ELF1: variants seen among roughly 807,000 people sequenced by gnomAD.
ELF1 encodes E74 like ETS transcription factor 1, also known as ETS-related transcription factor Elf-1.
ELF1 carries 24 observed loss-of-function variants against 59.9 expected under a neutral mutation model. The observed-to-expected ratio is 0.40, with a 90% CI of 0.29 to 0.56. The LOEUF (loss-of-function observed/expected upper bound fraction) is 0.56, where lower values mean the gene tolerates loss of function less well. Ranked by LOEUF, ELF1 falls within the 20% of genes least tolerant of loss-of-function variation. The probability of loss-of-function intolerance (pLI) is 0.44; values close to 1 mark genes in which losing one functional copy is unlikely to be tolerated. For missense variants in ELF1, 627 were observed against 742.2 expected (o/e 0.84, Z 1.80); for synonymous variants, 248 against 266.2 (o/e 0.93, Z 0.67).
At chr13:40,981,946 A>G (rs1340657284) in intron 2 of ELF1, 37 bp downstream of exon 2, 1 of 1,591,746 alleles carries the variant, frequency 6.3e-7, no homozygotes, top group East Asian at 2.3e-5. Flanking sequence ...AAATCATAAT[A>G]AAGTCATTAA....
At chr13:40,956,118 T>C (rs1466249513) in intron 3 of ELF1, among the ~76,000 whole-genome samples, 1 of 149,916 alleles carries the variant, frequency 6.7e-6, no homozygotes, top group Non-Finnish European at 1.5e-5. Context: ...ATGGCGGTTT[T>C]GTGGAATAGA....
At chr13:41,005,699 A>T (rs1030390921) in intron 1 of ELF1, among the ~76,000 whole-genome samples, 1 of 152,120 alleles carries the variant, frequency 6.6e-6, no homozygotes, top group Non-Finnish European at 1.5e-5. Context: ...ATACAACCAA[A>T]TAGAACTCTG....
At chr13:40,984,878 C>T (rs991924297) in intron 1 of ELF1, among the ~76,000 whole-genome samples, 3 of 152,196 alleles carry the variant, frequency 2.0e-5, no homozygotes, top group Non-Finnish European at 1.5e-5. Flanking sequence ...TGTACCTTTT[C>T]GTACCAGCAC....
intron 1 of ELF1, among the ~76,000 whole-genome samples, chr13:41,049,985 C>A (rs1877019399): frequency 6.6e-6 from 1 of 152,152 alleles, no homozygotes; most frequent in Non-Finnish European, 1.5e-5. Context: ...CATAGAGTAT[C>A]CACATACAAA....
chr13:41,041,681 GA>G (rs200981006), intron 1 of ELF1, among the ~76,000 whole-genome samples: 56 of 149,736 alleles, frequency 3.7e-4, no homozygotes, highest in Admixed American at 7.3e-4. Flanking sequence ...TTTCCAGGGG[GA>G]AAAAAAAAGG....
chr13:41,057,367 T>G (rs1323261443), intron 1 of ELF1, among the ~76,000 whole-genome samples: 1 of 151,898 alleles, frequency 6.6e-6, no homozygotes, highest in East Asian at 1.9e-4. Context: ...TCTTGTTATG[T>G]TGTCCAGGCT....
intron 1 of ELF1, among the ~76,000 whole-genome samples, chr13:41,003,287 T>C (rs1874568608): frequency 6.6e-6 from 1 of 152,204 alleles, no homozygotes; most frequent in African/African-American, 2.4e-5. Context: ...TATAAACTAT[T>C]TTCCACATGT....
intron 1 of ELF1, among the ~76,000 whole-genome samples, chr13:41,017,018 A>G: frequency 7.5e-6 from 1 of 133,078 alleles, no homozygotes; most frequent in Admixed American, 8.0e-5. Context: ...CTGTCTTTGT[A>G]TCTAGAAGCT....
intron 5 of ELF1, among the ~76,000 whole-genome samples, chr13:40,948,479 C>T (rs1011877409): frequency 5.9e-5 from 9 of 152,216 alleles, no homozygotes; most frequent in Admixed American, 2.0e-4. Flanking sequence ...TCCTTCTCAG[C>T]CCTTCTGAGC....
chr13:41,060,824 C>A (rs547075747), intron 1 of ELF1: 1 of 236,180 alleles, frequency 4.2e-6, no homozygotes, highest in Non-Finnish European at 8.6e-6. Flanking sequence ...CTATGAGAAA[C>A]TGCCGTGACC....
intron 5 of ELF1, among the ~76,000 whole-genome samples, chr13:40,945,100 G>A (rs1043201244): frequency 6.6e-6 from 1 of 152,188 alleles, no homozygotes; most frequent in African/African-American, 2.4e-5. Flanking sequence ...TCTTCTGGCT[G>A]TGTTCATGAC....
At chr13:41,013,390 A>G (rs577616261) in intron 1 of ELF1, among the ~76,000 whole-genome samples, 19 of 152,348 alleles carry the variant, frequency 1.2e-4, no homozygotes, top group African/African-American at 4.6e-4. Flanking sequence ...TGGTACAGAC[A>G]AACAATGGAA....
At chr13:40,944,147 T>C (rs1245356728) in intron 5 of ELF1, among the ~76,000 whole-genome samples, 1 of 152,232 alleles carries the variant, frequency 6.6e-6, no homozygotes, top group Admixed American at 6.5e-5. Flanking sequence ...ATGTAAGAAA[T>C]GATACCTTTG....
intron 8 of ELF1, among the ~76,000 whole-genome samples, chr13:40,936,471 T>C (rs1869777681): frequency 6.6e-6 from 1 of 152,090 alleles, no homozygotes; most frequent in Non-Finnish European, 1.5e-5. Flanking sequence ...GTCCTTTTCT[T>C]GGCCGGGCAC....
At chr13:41,025,709 CAAA>C (rs960202664) in intron 1 of ELF1, among the ~76,000 whole-genome samples, 1 of 152,184 alleles carries the variant, frequency 6.6e-6, no homozygotes, top group Non-Finnish European at 1.5e-5. Flanking sequence ...AGACAGCAAA[CAAA>C]AGAGACATAC....
chr13:41,050,040 C>G (rs956455845), intron 1 of ELF1, among the ~76,000 whole-genome samples: 3 of 152,138 alleles, frequency 2.0e-5, no homozygotes, highest in African/African-American at 7.2e-5. Context: ...TAAAGTAGAA[C>G]AAAACGTATT....
chr13:41,059,378 T>C (rs546025409), intron 1 of ELF1, among the ~76,000 whole-genome samples: 9 of 152,244 alleles, frequency 5.9e-5, no homozygotes, highest in African/African-American at 2.2e-4. Context: ...GCTTGGTGTG[T>C]AGCAAACACA....
At chr13:40,973,212 TC>T (rs1167787990) in intron 2 of ELF1, among the ~76,000 whole-genome samples, 3 of 152,206 alleles carry the variant, frequency 2.0e-5, no homozygotes, top group Non-Finnish European at 4.4e-5. Context: ...CTGATAAGTT[TC>T]CTGGTCTCGT....
chr13:40,992,950 T>C, intron 1 of ELF1: 1 of 824,928 alleles, frequency 1.2e-6, no homozygotes, highest in African/African-American at 1.7e-5. Context: ...TTTTCTTTGA[T>C]TACTTTTTTG....
Sources: allele counts gnomAD v4.1 joint callset (sites outside exome capture counted in the v4.1 genomes callset), GRCh38; gene constraint gnomAD v4.1.1; transcripts MANE v1.5; gene names NCBI Gene and HGNC (gene_info 2026-07-23, HGNC 2026-07-21).